TYR: variants seen among roughly 807,000 people sequenced by gnomAD.
The protein encoded by TYR is LB24-AB.
In TYR, 58 loss-of-function variants were observed where a neutral mutation model predicts 51.5. The observed-to-expected ratio is 1.13, with a 90% CI of 0.91 to 1.40. The LOEUF is 1.40. Among genes scored for constraint, TYR ranks in the 40% most tolerant of loss-of-function variants. The pLI is 0.00. For synonymous variants in TYR, 263 were observed against 235.2 expected, an observed-to-expected ratio of 1.12 and a Z score of -1.08; for missense variants, 732 against 647.4, an observed-to-expected ratio of 1.13 and a Z score of -1.42.
At chr11:89,209,346 C>G (rs1943718969) in intron 2 of TYR, among the ~76,000 whole-genome samples, 1 of 152,236 alleles carries the variant, frequency 6.6e-6, no homozygotes, top group Admixed American at 6.5e-5. Flanking sequence ...GCTAGTGCAG[C>G]AGTCTGAGAT....
chr11:89,242,364 C>T (rs867337869), intron 3 of TYR, among the ~76,000 whole-genome samples: 4 of 140,110 alleles, frequency 2.9e-5, no homozygotes, highest in Admixed American at 7.0e-5. Context: ...CCCACCACCA[C>T]GCCCAGCTAA....
chr11:89,266,835 T>C (rs1590889058), intron 3 of TYR, among the ~76,000 whole-genome samples: 1 of 151,930 alleles, frequency 6.6e-6, no homozygotes, highest in East Asian at 1.9e-4. Context: ...GGTAATTACA[T>C]GAAGATTATC....
In TYR at chr11:89,262,847, CAAAAAAAAAAAAA is replaced by C. The variant is rs771958187; in HGVS notation, c.1185-21913_1185-21901del. ...TAAGTAAAGATACAAGCTACTCATC[CAAAAAAAAAAAAA>C]AAAAAAAAAAAACAACAACAACAAC... is the stretch of plus-strand genomic sequence containing the variant. On this transcript the variant is annotated intron_variant, in intron 3 of 4. Transcript: ENST00000263321. Among the ~76,000 whole-genome samples the C allele has an allele frequency of 6.7e-4, 13 of 19,300 alleles. No homozygotes were observed. In the East Asian group the frequency reaches 0.013, roughly 20 times the overall value. 12.7% of individuals were successfully genotyped at this position (19,300 alleles called of 152,430 possible). A position where few individuals can be genotyped will look rare whatever the true frequency, so the allele number is the denominator to read the frequency against.
At chr11:89,223,073 A>G (rs1164046441) in intron 2 of TYR, among the ~76,000 whole-genome samples, 1 of 152,206 alleles carries the variant, frequency 6.6e-6, no homozygotes, top group African/African-American at 2.4e-5. Context: ...GACACTACCC[A>G]ACTGTATATG....
intron 1 of TYR, among the ~76,000 whole-genome samples, chr11:89,185,925 T>C (rs538075758): frequency 9.5e-4 from 145 of 152,188 alleles, no homozygotes; most frequent in Non-Finnish European, 1.5e-3. Flanking sequence ...ACAAGAAAAA[T>C]AATTTGGTGA....
chr11:89,209,409 G>A (rs557271000), intron 2 of TYR, among the ~76,000 whole-genome samples: 1 of 152,318 alleles, frequency 6.6e-6, no homozygotes, highest in Admixed American at 6.5e-5. Context: ...CATTGCTGAG[G>A]CTTGAGTAGG....
At chr11:89,197,702 G>A (rs1943539508) in intron 2 of TYR, among the ~76,000 whole-genome samples, 1 of 152,036 alleles carries the variant, frequency 6.6e-6, no homozygotes, top group African/African-American at 2.4e-5. Context: ...ATGAAGATGA[G>A]TTGGTTAGTA....
chr11:89,226,879 A>G (rs2135281169), intron 2 of TYR, among the ~76,000 whole-genome samples: 2 of 152,128 alleles, frequency 1.3e-5, no homozygotes, highest in East Asian at 1.9e-4. Flanking sequence ...TTACAATTCA[A>G]TTTTGTTATC....
At chr11:89,209,130 T>A (rs892668166) in intron 2 of TYR, among the ~76,000 whole-genome samples, 3 of 152,088 alleles carry the variant, frequency 2.0e-5, no homozygotes, top group Non-Finnish European at 4.4e-5. Context: ...CAAAGCAGGA[T>A]GGGGGGTCAC....
At position 89,178,771 on chromosome 11, in the gene TYR, A is replaced by T. The variant is rs1259402622; in HGVS notation, c.818A>T (p.Gln273Leu). 1 of 1,614,084 alleles carries T rather than the reference A, an allele frequency of 6.2e-7. No homozygotes were observed. The highest frequency in any genetic ancestry group is 2.2e-5 in the East Asian group (1 of 44,864). ...LSPASFFSSWQIVCSRLEEYN... is the reference protein window; with the variant it reads ...LSPASFFSSWLIVCSRLEEYN... The stretch of plus-strand genomic sequence containing the variant: ...CCAGCATCATTCTTCTCCTCTTGGC[A>T]GGTAAGATATGCTAGATATACGATG... Residue 273 changes from glutamine to leucine, a missense_variant and splice_region_variant, in exon 1 of 5, where the codon CAG becomes CTG. Transcript: ENST00000263321.
intron 4 of TYR, among the ~76,000 whole-genome samples, chr11:89,291,754 T>C (rs1274331115): frequency 4.6e-5 from 7 of 152,012 alleles, no homozygotes; most frequent in Non-Finnish European, 7.4e-5. Context: ...TACCTATTTA[T>C]TCTGCTATAT....
At chr11:89,238,042 G>T (rs1944141693) in intron 3 of TYR, among the ~76,000 whole-genome samples, 1 of 151,816 alleles carries the variant, frequency 6.6e-6, no homozygotes. Flanking sequence ...CACCATGTTG[G>T]CCAGGCTGGT....
In TYR at chr11:89,253,620, T is replaced by G. The variant is rs180774022; in HGVS notation, c.1184+25650T>G. ...AGGGGCTGAATTCTTGATTTGATTC[T>G]CAGCTTGGTTGCTGTTGGTGTATAG... On this transcript the variant is annotated intron_variant, in intron 3 of 4. Coordinates refer to ENST00000263321, the MANE Select transcript of TYR (RefSeq NM_000372.5). 3.1e-3 allele frequency among the ~76,000 whole-genome samples: 464 copies of G among 151,984 alleles called. 4 individuals are homozygous for G. Among genetic ancestry groups the G allele is most frequent in the African/African-American group, 0.011 (446 of 41,560 alleles).
intron 2 of TYR, among the ~76,000 whole-genome samples, chr11:89,220,105 G>A (rs866300502): frequency 6.6e-6 from 1 of 151,856 alleles, no homozygotes; most frequent in Non-Finnish European, 1.5e-5. Flanking sequence ...GTGGTAGGCC[G>A]TTCTCACATT....
At chr11:89,233,379 A>G (rs534711862) in intron 3 of TYR, among the ~76,000 whole-genome samples, 1 of 139,964 alleles carries the variant, frequency 7.1e-6, no homozygotes, top group Non-Finnish European at 1.5e-5. Flanking sequence ...CCTCAAAGTC[A>G]TCTATTAGGA....
At chr11:89,220,177 T>G (rs901261747) in intron 2 of TYR, among the ~76,000 whole-genome samples, 8 of 152,144 alleles carry the variant, frequency 5.3e-5, no homozygotes, top group Admixed American at 4.6e-4. Context: ...CTCACAGTTC[T>G]GTAGGCCGTA....
chr11:89,195,826 T>G (rs909568222), intron 2 of TYR, among the ~76,000 whole-genome samples: 2 of 152,180 alleles, frequency 1.3e-5, no homozygotes, highest in Non-Finnish European at 2.9e-5. Flanking sequence ...AAATTTTCTC[T>G]CATGAAACTC....
At chr11:89,283,070 G>A (rs1944737867) in intron 3 of TYR, among the ~76,000 whole-genome samples, 2 of 151,860 alleles carry the variant, frequency 1.3e-5, no homozygotes, top group Non-Finnish European at 2.9e-5. Flanking sequence ...TCAACCTATA[G>A]AACTCAGATT....
chr11:89,251,607 C>T (rs1453126815), intron 3 of TYR, among the ~76,000 whole-genome samples: 2 of 151,650 alleles, frequency 1.3e-5, no homozygotes, highest in Non-Finnish European at 2.9e-5. Flanking sequence ...TTATACAAAG[C>T]ATATTTATTG....
Sources: allele counts gnomAD v4.1 joint callset (sites outside exome capture counted in the v4.1 genomes callset), GRCh38; gene constraint gnomAD v4.1.1; transcripts MANE v1.5; gene names NCBI Gene and HGNC (gene_info 2026-07-23, HGNC 2026-07-21).